Variants in REXO1 observed in about 807,000 individuals in gnomAD.
REXO1 encodes the protein RNA exonuclease 1 homolog, also known as REX1, RNA exonuclease 1 homolog.
REXO1 carries 42 observed loss-of-function variants against 102.6 expected under a neutral mutation model. That is an observed-to-expected ratio of 0.41 (90% CI 0.32 to 0.53). REXO1 has a LOEUF of 0.53. Among genes scored for constraint, REXO1 ranks in the 20% least tolerant of loss-of-function variants. The pLI is 0.27. For missense variants in REXO1, 1,819 were observed against 1,732.5 expected, an observed-to-expected ratio of 1.05 and a Z score of -0.89; for synonymous variants, 908 against 779.1, an observed-to-expected ratio of 1.17 and a Z score of -2.76.
In REXO1 at chr19:1,820,769, G is replaced by A. The variant is rs567785709; in HGVS notation, c.2395-374C>T. ...GCACTTTGGGAGGCTGAGGCAGGAG[G>A]ATCACTTGAGGACAAGAGTTCAAGA... On this transcript the variant is annotated intron_variant, in intron 5 of 15. Transcript: ENST00000170168. Among the ~76,000 whole-genome samples, 660 of 151,976 alleles carry A rather than the reference G, an allele frequency of 4.3e-3. 6 individuals are homozygous for A. The highest frequency in any genetic ancestry group is 0.015 in the African/African-American group (608 of 41,444).
intron 4 of REXO1, 84 bp downstream of exon 4, chr19:1,823,488 G>A: frequency 1.0e-6 from 1 of 989,004 alleles, no homozygotes; most frequent in East Asian, 3.3e-5. Flanking sequence ...TGTGGTTCAG[G>A]TGAGCTCAGA....
chr19:1,840,005 AGAG>A (rs746076696), intron 1 of REXO1, among the ~76,000 whole-genome samples: 10 of 152,246 alleles, frequency 6.6e-5, no homozygotes, highest in Admixed American at 2.0e-4. Context: ...AGCCACTGTG[AGAG>A]GAGGAGGGAG....
intron 1 of REXO1, among the ~76,000 whole-genome samples, chr19:1,833,133 G>A (rs2069950375): frequency 6.6e-6 from 1 of 152,136 alleles, no homozygotes; most frequent in South Asian, 2.1e-4. Context: ...GCTGAGGTGG[G>A]AGGATCTCTT....
chr19:1,847,737 G>A (rs892844423), intron 1 of REXO1, among the ~76,000 whole-genome samples: 6 of 152,218 alleles, frequency 3.9e-5, no homozygotes, highest in African/African-American at 1.4e-4. Flanking sequence ...CTCAACGACT[G>A]GAGACTGAGG....
Position 1,828,158 on chromosome 19 carries a change from G to T in REXO1, c.631C>A (p.Arg211=). The part of the protein sequence containing the change: ...YVPKAVSQPR[R]HSRPVPSGKY... ...CCACTGGGAACGGGGCGGCTGTGCC[G>T]CCGGGGCTGGCTCACAGCCTTGGGG... Residue 211 remains arginine (R), a synonymous_variant, in exon 2 of 16, where the codon CGG becomes AGG. Transcript: ENST00000170168. 6.2e-7 allele frequency: 1 copy of T among 1,609,384 alleles called. No individual in the cohort carries two copies.
chr19:1,818,938 A>G (rs1397236160), intron 8 of REXO1, 80 bp downstream of exon 8: 1 of 1,571,984 alleles, frequency 6.4e-7, no homozygotes, highest in Non-Finnish European at 8.6e-7. Flanking sequence ...GGGGCCCACG[A>G]AGCACCGTGT....
At chr19:1,816,404 C>T (rs767503908) in intron 14 of REXO1, 27 bp downstream of exon 14, 39 of 1,603,790 alleles carry the variant, frequency 2.4e-5, no homozygotes, top group East Asian at 1.4e-4. Flanking sequence ...GCTGGAGAAC[C>T]GCGCGGGACC....
chr19:1,839,581 C>A (rs985085885), intron 1 of REXO1, among the ~76,000 whole-genome samples: 5 of 152,232 alleles, frequency 3.3e-5, no homozygotes, highest in African/African-American at 1.2e-4. Context: ...TGTGCAGATG[C>A]TGGGGGGACG....
Position 1,827,090 on chromosome 19 carries a change from G to A in REXO1, c.1699C>T (p.Pro567Ser), listed in dbSNP as rs1342285187. Residue 567 changes from proline (P) to serine (S), a missense_variant, in exon 2 of 16, where the codon CCC becomes TCC. Coordinates refer to ENST00000170168, the MANE Select transcript of REXO1 (RefSeq NM_020695.4). ...SLGFPEAQGP[P>S]KRLKASPPPS... is the part of the protein sequence containing the mutation. ...GGCGGGGAGGCCTTGAGCCGCTTGG[G>A]CGGCCCCTGCGCCTCCGGGAAGCCC... The A allele has an allele frequency of 1.9e-6, 3 of 1,541,030 alleles. No homozygotes were observed. The highest frequency in any genetic ancestry group is 2.6e-6 in the Non-Finnish European group (3 of 1,145,432).
At position 1,836,735 on chromosome 19, in the gene REXO1, G is replaced by GAC. The variant is rs1568712626; in HGVS notation, c.158-8106_158-8105dup. 6.0e-5 allele frequency among the ~76,000 whole-genome samples: 2 copies of GAC among 33,604 alleles called. 1 individual carries two copies. Among genetic ancestry groups the GAC allele is most frequent in the Admixed American group, 9.4e-4 (2 of 2,128 alleles). 22.0% of individuals were successfully genotyped at this position (33,604 alleles called of 152,430 possible). Reference sequence around the variant, plus strand: ...CACTGCAGCCTGGGCAACAGAGCAAGACTGTCTCAAAAAAAAAAAAAAAAA... The same window carrying GAC: ...CACTGCAGCCTGGGCAACAGAGCAAGACACTGTCTCAAAAAAAAAAAAAAAAA... On this transcript the variant is annotated intron_variant, in intron 1 of 15. Transcript: ENST00000170168.
intron 1 of REXO1, among the ~76,000 whole-genome samples, chr19:1,834,031 C>T (rs1041448444): frequency 3.9e-5 from 6 of 152,010 alleles, no homozygotes; most frequent in Non-Finnish European, 8.8e-5. Flanking sequence ...GGAGGGCAGG[C>T]GGGGGTGGAG....
chr19:1,821,828 G>A lies in REXO1; in HGVS notation c.2231-146C>T, dbSNP rs2069552760. 3 of 700,824 alleles carry A rather than the reference G, an allele frequency of 4.3e-6. No individual in the cohort carries two copies. In the African/African-American group the frequency reaches 5.5e-5, roughly 13 times the overall value. 43.4% of individuals were successfully genotyped at this position (700,824 alleles called of 1,614,324 possible). A position where few individuals can be genotyped will look rare whatever the true frequency, so the allele number is the denominator to read the frequency against. On this transcript the variant is annotated intron_variant, in intron 4 of 15. Coordinates refer to ENST00000170168, the MANE Select transcript of REXO1 (RefSeq NM_020695.4). ...CGGGCCAGGGTGAGGGGCTGGGGCTGCGCAATGGCATCAGGCTCTAGCTGC... is the reference window on the plus strand; with the variant it reads ...CGGGCCAGGGTGAGGGGCTGGGGCTACGCAATGGCATCAGGCTCTAGCTGC...
rs1490750511 is a variant in REXO1, at chr19:1,825,943, GC to G, written c.1912-1del. ...TCCTCACTCTTCTCTTCCTTGGGGGGCTAAGACACATGTCCGTCCGTCAGCA... is the reference window on the plus strand; with the variant it reads ...TCCTCACTCTTCTCTTCCTTGGGGGGTAAGACACATGTCCGTCCGTCAGCA... On this transcript the variant is annotated splice_acceptor_variant, in intron 2 of 15. Transcript: ENST00000170168. LOFTEE classifies it high-confidence loss of function. 1 of 1,607,060 alleles carries G rather than the reference GC, an allele frequency of 6.2e-7. No individual in the cohort carries two copies. Among genetic ancestry groups the G allele is most frequent in the Admixed American group, 1.7e-5 (1 of 59,956 alleles).
In REXO1 at chr19:1,817,750, C is replaced by T; in HGVS notation, c.3047G>A (p.Cys1016Tyr). 6.2e-7 allele frequency: 1 copy of T among 1,612,498 alleles called. No individual in the cohort carries two copies. Among genetic ancestry groups the T allele is most frequent in the Non-Finnish European group, 8.5e-7 (1 of 1,179,798 alleles). ...GACAGAGCCGGCGGCAGCCGAGCAG[C>T]ACATGTACTGGGTCTCCCAGCCTCC... ...VAGGWETQYMCCSAAAGSVGC... is the reference protein window; with the variant it reads ...VAGGWETQYMYCSAAAGSVGC... Residue 1016 changes from cysteine to tyrosine, a missense_variant, in exon 11 of 16, where the codon TGC becomes TAC. Physicochemically the swap from Cys to Tyr is radical, Grantham distance 194 (BLOSUM62 -2). Transcript: ENST00000170168.
Position 1,826,006 on chromosome 19 carries a change from AC to A in REXO1, c.1912-64del. ...TCGCTGCCAACACCAACACACCCCA[AC>A]CTCAAACTGCCCCCGGCAAGTGGGG... On this transcript the variant is annotated intron_variant, in intron 2 of 15. Transcript: ENST00000170168. This position sits in a 1 kb window ranked among gnomAD's most constrained non-coding sequence, Gnocchi z 4.3. 8.3e-7 allele frequency: 1 copy of A among 1,206,096 alleles called. No individual in the cohort carries two copies. The highest frequency in any genetic ancestry group is 1.2e-6 in the Non-Finnish European group (1 of 813,212). The allele number at this position is 1,206,096 out of a possible 1,614,324, so 74.7% of individuals were successfully genotyped here.
At chr19:1,840,776 C>T (rs963642581) in intron 1 of REXO1, among the ~76,000 whole-genome samples, 1 of 152,142 alleles carries the variant, frequency 6.6e-6, no homozygotes, top group African/African-American at 2.4e-5. Context: ...TCCCGAGTCC[C>T]CTCAGCCTGG....
Position 1,816,720 on chromosome 19 carries a change from C to A in REXO1, c.3295G>T (p.Glu1099Ter). The change falls in exon 13 of 16, where the codon GAG becomes TAG. Residue 1099 changes from glutamate to a stop codon, truncating the protein, a stop_gained. Transcript: ENST00000170168. LOFTEE classifies it high-confidence loss of function. ...VYDTFVKPDN[E>*]IVDYNTRFSG... is the part of the protein sequence containing the mutation. ...CACCTGGTGTTGTAGTCCACGATCT[C>A]GTTGTCAGGCTTCACGAAGGTGTCA... The A allele has an allele frequency of 6.2e-7, 1 of 1,612,772 alleles. No homozygotes were observed. Among genetic ancestry groups the A allele is most frequent in the Non-Finnish European group, 8.5e-7 (1 of 1,179,880 alleles).
chr19:1,823,843 A>C, intron 3 of REXO1, 58 bp from the exon 4 acceptor site: 3 of 829,184 alleles, frequency 3.6e-6, no homozygotes, highest in Non-Finnish European at 4.8e-6. Flanking sequence ...GGAGCAGGCG[A>C]CCCCGGGCAG....
chr19:1,821,190 A>T (rs2069525937), intron 5 of REXO1, among the ~76,000 whole-genome samples: 1 of 151,754 alleles, frequency 6.6e-6, no homozygotes, highest in Non-Finnish European at 1.5e-5. Context: ...TACTAAAAAT[A>T]CAAAAACAGC....
Sources: allele counts gnomAD v4.1 joint callset (sites outside exome capture counted in the v4.1 genomes callset), GRCh38; gene constraint gnomAD v4.1.1; non-coding constraint Gnocchi (gnomAD v3.1); transcripts MANE v1.5; gene names NCBI Gene and HGNC (gene_info 2026-07-23, HGNC 2026-07-21).